The following KCNT2 variants were observed in gnomAD, a reference collection of about 807,000 sequenced individuals.
The protein encoded by KCNT2 is potassium channel subfamily T member 2.
A neutral mutation model predicts 153.8 loss-of-function variants in KCNT2; 67 were observed. The ratio of observed to expected loss-of-function variants is 0.44; its 90% CI spans 0.36 to 0.53. The LOEUF is 0.53. Among genes scored for constraint, KCNT2 ranks in the 20% least tolerant of loss-of-function variants. The pLI is 0.00. For missense variants in KCNT2, 975 were observed against 1,354.8 expected, an observed-to-expected ratio of 0.72 and a Z score of 4.40; for synonymous variants, 500 against 458.8, an observed-to-expected ratio of 1.09 and a Z score of -1.15.
intron 1 of KCNT2, among the ~76,000 whole-genome samples, chr1:196,532,038 T>C (rs1473269880): frequency 2.6e-5 from 4 of 152,090 alleles, no homozygotes; most frequent in Non-Finnish European, 5.9e-5. Context: ...GTTGGGTTTT[T>C]TTTTAGCAAC....
intron 8 of KCNT2, among the ~76,000 whole-genome samples, chr1:196,445,923 G>C (rs976137355): frequency 9.9e-5 from 15 of 150,990 alleles, no homozygotes; most frequent in African/African-American, 3.6e-4. Context: ...AAAAATTACT[G>C]CAAATTACAA....
chr1:196,308,374 G>C (rs1661840505), intron 21 of KCNT2, among the ~76,000 whole-genome samples: 1 of 151,930 alleles, frequency 6.6e-6, no homozygotes, highest in Non-Finnish European at 1.5e-5. Context: ...ATGTGTACTG[G>C]TCTGTGCCAA....
At chr1:196,251,937 A>G (rs528564901) in intron 26 of KCNT2, among the ~76,000 whole-genome samples, 89 of 151,784 alleles carry the variant, frequency 5.9e-4, no homozygotes, top group Admixed American at 2.6e-3. Context: ...CTTTTAACCA[A>G]TTTTGTTTTT....
At chr1:196,596,754 T>C (rs776532444) in intron 1 of KCNT2, among the ~76,000 whole-genome samples, 13 of 152,142 alleles carry the variant, frequency 8.5e-5, no homozygotes, top group Non-Finnish European at 1.2e-4. Context: ...CGTGCTGGCA[T>C]GCAATCATGT....
At chr1:196,315,053 G>T (rs1257423747) in intron 21 of KCNT2, among the ~76,000 whole-genome samples, 2 of 151,532 alleles carry the variant, frequency 1.3e-5, no homozygotes, top group African/African-American at 4.8e-5. Flanking sequence ...CAAATTAGAA[G>T]GCAAAATAAT....
intron 1 of KCNT2, among the ~76,000 whole-genome samples, chr1:196,592,328 T>C (rs190709257): frequency 4.6e-5 from 7 of 151,428 alleles, no homozygotes; most frequent in Non-Finnish European, 7.4e-5. Flanking sequence ...AGACAGAAAG[T>C]AGAAGAATGT....
At chr1:196,546,384 T>C (rs1241893257) in intron 1 of KCNT2, among the ~76,000 whole-genome samples, 1 of 152,094 alleles carries the variant, frequency 6.6e-6, no homozygotes, top group African/African-American at 2.4e-5. Flanking sequence ...AGATGGAGTG[T>C]AATTAGCTAC....
intron 27 of KCNT2, among the ~76,000 whole-genome samples, chr1:196,230,037 A>T (rs924078912): frequency 7.2e-5 from 11 of 152,052 alleles, no homozygotes; most frequent in African/African-American, 2.7e-4. Flanking sequence ...TATTAATAAG[A>T]TTATTGATGA....
intron 1 of KCNT2, among the ~76,000 whole-genome samples, chr1:196,539,145 A>G (rs191781654): frequency 6.6e-6 from 1 of 152,360 alleles, no homozygotes; most frequent in Non-Finnish European, 1.5e-5. Flanking sequence ...TATTCATGAT[A>G]AACTAAGTTC....
intron 27 of KCNT2, among the ~76,000 whole-genome samples, chr1:196,234,027 A>G (rs892118259): frequency 2.6e-5 from 4 of 151,342 alleles, no homozygotes; most frequent in African/African-American, 9.7e-5. Flanking sequence ...ACTTCATTGT[A>G]TATTTCAAAA....
intron 22 of KCNT2, among the ~76,000 whole-genome samples, chr1:196,301,959 C>A (rs905269900): frequency 6.6e-6 from 1 of 152,036 alleles, no homozygotes; most frequent in African/African-American, 2.4e-5. Flanking sequence ...ACGCTGGTCT[C>A]GAACTCCTGA....
intron 8 of KCNT2, among the ~76,000 whole-genome samples, chr1:196,437,970 C>T (rs1674875102): frequency 6.6e-6 from 1 of 151,348 alleles, no homozygotes; most frequent in Admixed American, 6.6e-5. Context: ...CTAATAATAT[C>T]ATAAATTAAT....
At chr1:196,537,719 G>A (rs932430837) in intron 1 of KCNT2, among the ~76,000 whole-genome samples, 10 of 152,124 alleles carry the variant, frequency 6.6e-5, no homozygotes, top group South Asian at 2.1e-4. Flanking sequence ...TTGCTGCTCC[G>A]GAGACAACTG....
intron 20 of KCNT2, among the ~76,000 whole-genome samples, chr1:196,318,892 T>A (rs1406456385): frequency 6.6e-6 from 1 of 151,754 alleles, no homozygotes; most frequent in Non-Finnish European, 1.5e-5. Context: ...ACATATATTA[T>A]TTCAAGTATA....
At chr1:196,392,341 G>A (rs1033892399) in intron 13 of KCNT2, among the ~76,000 whole-genome samples, 4 of 150,702 alleles carry the variant, frequency 2.7e-5, no homozygotes, top group Middle Eastern at 3.4e-3. Flanking sequence ...TGATCTCCAC[G>A]ATAATAAAAA....
At chr1:196,436,321 T>G (rs983225665) in intron 8 of KCNT2, among the ~76,000 whole-genome samples, 1 of 151,556 alleles carries the variant, frequency 6.6e-6, no homozygotes, top group African/African-American at 2.4e-5. Flanking sequence ...ATATAAACTA[T>G]CTCTTCAAAA....
intron 27 of KCNT2, among the ~76,000 whole-genome samples, chr1:196,232,592 T>G (rs1052762100): frequency 1.3e-5 from 2 of 151,724 alleles, no homozygotes; most frequent in African/African-American, 2.4e-5. Context: ...AGAAAAGCTT[T>G]TTTATTTTTT....
At chr1:196,234,106 C>T (rs111670197) in intron 27 of KCNT2, among the ~76,000 whole-genome samples, 1,634 of 151,388 alleles carry the variant, frequency 0.011, 32 homozygotes, top group African/African-American at 0.035. Context: ...TAATGGCTAC[C>T]TCAATTACCC....
intron 1 of KCNT2, among the ~76,000 whole-genome samples, chr1:196,563,499 G>T (rs1470608821): frequency 1.4e-5 from 2 of 141,982 alleles, no homozygotes; most frequent in East Asian, 4.0e-4. Flanking sequence ...AAACAGAAGA[G>T]CAAATACTTC....
Sources: allele counts gnomAD v4.1 joint callset (sites outside exome capture counted in the v4.1 genomes callset), GRCh38; gene constraint gnomAD v4.1.1; transcripts MANE v1.5; gene names NCBI Gene and HGNC (gene_info 2026-07-23, HGNC 2026-07-21).